GLB1: variants seen among roughly 807,000 people sequenced by gnomAD.
GLB1 encodes galactosidase beta 1.
GLB1 carries 56 observed loss-of-function variants against 74.0 expected under a neutral mutation model. The ratio of observed to expected loss-of-function variants is 0.76; its 90% confidence interval spans 0.61 to 0.94. The LOEUF (loss-of-function observed/expected upper bound fraction) is 0.94, where lower values mean the gene tolerates loss of function less well. Ranked by LOEUF, GLB1 falls within the 40% of genes least tolerant of loss-of-function variation. The pLI is 0.00. For missense variants in GLB1, 787 were observed against 845.5 expected (o/e 0.93, Z 0.86); for synonymous variants, 323 against 323.6 (o/e 1.00, Z 0.02).
chr3:33,021,716 A>AT, intron 11 of GLB1, 61 bp from the exon 12 acceptor site: 7 of 1,566,422 alleles, frequency 4.5e-6, no homozygotes, highest in Non-Finnish European at 6.1e-6. Flanking sequence ...CAGGTTACAG[A>AT]GTCATTCCCT....
At chr3:32,999,768 C>T (rs1306588069) in intron 15 of GLB1, among the ~76,000 whole-genome samples, 2 of 152,082 alleles carry the variant, frequency 1.3e-5, no homozygotes, top group South Asian at 2.1e-4. Context: ...CTTGTTCCTC[C>T]GCCTTCTGAG....
At chr3:33,086,736 T>C (rs953049951) in intron 1 of GLB1, among the ~76,000 whole-genome samples, 4 of 152,062 alleles carry the variant, frequency 2.6e-5, no homozygotes, top group African/African-American at 9.7e-5. Flanking sequence ...GTATAAAATT[T>C]TAAGACATAT....
intron 1 of GLB1, among the ~76,000 whole-genome samples, chr3:33,076,664 A>C (rs922344212): frequency 3.9e-5 from 6 of 152,180 alleles, no homozygotes; most frequent in Admixed American, 1.3e-4. Context: ...AGACAGAGAG[A>C]GCGAGCATGT....
chr3:33,022,395 T>C (rs2125475803), intron 11 of GLB1, among the ~76,000 whole-genome samples: 1 of 152,044 alleles, frequency 6.6e-6, no homozygotes, highest in South Asian at 2.1e-4. Flanking sequence ...ATACAGCGTT[T>C]TACATGCACT....
At chr3:32,989,001 G>A in the GLB1 span, among the ~76,000 whole-genome samples, 1 of 151,398 alleles carries the variant, frequency 6.6e-6, no homozygotes, top group Non-Finnish European at 1.5e-5. Context: ...CTGGGGTGGG[G>A]GTGGGGTGCT....
At chr3:33,071,381 A>C (rs1471600903) in intron 2 of GLB1, among the ~76,000 whole-genome samples, 1 of 152,222 alleles carries the variant, frequency 6.6e-6, no homozygotes, top group African/African-American at 2.4e-5. Flanking sequence ...AATCCACATC[A>C]GCACTGCAAG....
the GLB1 span, among the ~76,000 whole-genome samples, chr3:32,978,067 G>A: frequency 6.1e-3 from 924 of 152,326 alleles, 9 homozygotes; most frequent in Middle Eastern, 0.037. Flanking sequence ...CAGAAGGTAC[G>A]TGATGGCCAC....
chr3:32,997,437 T>C (rs1379475452), intron 15 of GLB1, 93 bp from the exon 16 acceptor site: 5 of 1,570,008 alleles, frequency 3.2e-6, no homozygotes, highest in Admixed American at 1.9e-5. Context: ...CCAGCAGCAA[T>C]GGAGGAAAGA....
the GLB1 span, among the ~76,000 whole-genome samples, chr3:32,988,291 TA>T: frequency 6.7e-6 from 1 of 149,802 alleles, no homozygotes; most frequent in Non-Finnish European, 1.5e-5. Context: ...TTTCAGTGTA[TA>T]AAAAACATGG....
At chr3:33,009,059 C>A (rs1696904153) in intron 15 of GLB1, among the ~76,000 whole-genome samples, 1 of 151,426 alleles carries the variant, frequency 6.6e-6, no homozygotes, top group African/African-American at 2.4e-5. Context: ...GCGGAGGTTG[C>A]AGTGAGCCAA....
At chr3:32,962,871 C>A in the GLB1 span, among the ~76,000 whole-genome samples, 1 of 151,898 alleles carries the variant, frequency 6.6e-6, no homozygotes, top group Non-Finnish European at 1.5e-5. Context: ...CAGTTCTTTT[C>A]AGTTAAATTA....
chr3:32,975,005 C>G, the GLB1 span, among the ~76,000 whole-genome samples: 1 of 152,180 alleles, frequency 6.6e-6, no homozygotes, highest in African/African-American at 2.4e-5. Flanking sequence ...GAGTCTAGCC[C>G]TAGCTTGATC....
chr3:33,040,522 G>C (rs1698455876), intron 10 of GLB1, among the ~76,000 whole-genome samples: 2 of 152,154 alleles, frequency 1.3e-5, no homozygotes, highest in Non-Finnish European at 2.9e-5. Flanking sequence ...TGTGGCAGGA[G>C]AATCACTTGA....
chr3:33,058,122 GC>G lies in GLB1; in HGVS notation c.699del (p.Gln234ArgfsTer20), dbSNP rs1452318343. On this transcript the variant is annotated frameshift_variant, in exon 6 of 16. Coordinates refer to ENST00000307363, the MANE Select transcript of GLB1 (RefSeq NM_000404.4). LOFTEE classifies it high-confidence loss of function. ...AHKTFLKCGALQGLYTTVDFG... is the reference protein window; with the variant it reads ...AHKTFLKCGAXQGLYTTVDFG... Reference sequence around the variant, plus strand: ...AAGTCCACCGTGGTGTAGAGGCCCTGCAGGGCCCCACATTTCAGGAATGTTT... The same window carrying G: ...AAGTCCACCGTGGTGTAGAGGCCCTGAGGGCCCCACATTTCAGGAATGTTT... The G allele has an allele frequency of 3.1e-6, 5 of 1,613,920 alleles. No individual in the cohort carries two copies. Among genetic ancestry groups the G allele is most frequent in the Non-Finnish European group, 2.5e-6 (3 of 1,180,030 alleles).
chr3:33,093,167 G>A lies in GLB1; in HGVS notation c.75+3844C>T, dbSNP rs776226560. The A allele has an allele frequency of 1.9e-6, 3 of 1,614,184 alleles. No homozygotes were observed. The highest frequency in any genetic ancestry group is 3.3e-5 in the Admixed American group (2 of 60,028). On this transcript the variant is annotated intron_variant, in intron 1 of 15. Coordinates refer to ENST00000307363, the MANE Select transcript of GLB1 (RefSeq NM_000404.4). The surrounding 1 kb of genome is among the most constrained non-coding windows in gnomAD (Gnocchi z 6.0). ...CAAGATCCATGCCATGGCCAGAGTA[G>A]TGCAGGATGTCTGCTTCAATATCGT...
the GLB1 span, among the ~76,000 whole-genome samples, chr3:32,989,868 G>A: frequency 8.5e-5 from 13 of 152,068 alleles, no homozygotes; most frequent in Middle Eastern, 3.4e-3. Context: ...CATGCCACCC[G>A]CCCTATTTCT....
the GLB1 span, among the ~76,000 whole-genome samples, chr3:32,983,927 C>T: frequency 6.6e-6 from 1 of 152,000 alleles, no homozygotes; most frequent in Non-Finnish European, 1.5e-5. Flanking sequence ...TGAAGTAATC[C>T]TCCCACCTCA....
intron 1 of GLB1, chr3:33,077,424 C>T (rs1205428257): frequency 2.2e-6 from 2 of 923,254 alleles, no homozygotes; most frequent in African/African-American, 1.6e-5. Flanking sequence ...GACACACCTG[C>T]TCAGTTGGAA....
intron 5 of GLB1, among the ~76,000 whole-genome samples, chr3:33,063,898 C>T (rs1699551776): frequency 6.6e-6 from 1 of 152,146 alleles, no homozygotes; most frequent in Non-Finnish European, 1.5e-5. Flanking sequence ...CATCTCCTCC[C>T]ACCACAAAGC....
Sources: allele counts gnomAD v4.1 joint callset (sites outside exome capture counted in the v4.1 genomes callset), GRCh38; gene constraint gnomAD v4.1.1; non-coding constraint Gnocchi (gnomAD v3.1); transcripts MANE v1.5; gene names NCBI Gene and HGNC (gene_info 2026-07-23, HGNC 2026-07-21).